Variants in PDZD2 observed in about 807,000 individuals in gnomAD.
PDZD2 encodes PDZ domain containing 2.
A neutral mutation model predicts 220.7 loss-of-function variants in PDZD2; 90 were observed. The ratio of observed to expected loss-of-function variants is 0.41; its 90% confidence interval spans 0.34 to 0.49. PDZD2 has a LOEUF of 0.49. PDZD2 is among the 20% of genes least tolerant of loss of function. The pLI, the probability that PDZD2 is intolerant of heterozygous loss-of-function variation, is 0.28. For synonymous variants in PDZD2, 1,375 were observed against 1,450.5 expected (o/e 0.95, Z 1.18); for missense variants, 3,174 against 3,608.5 (o/e 0.88, Z 3.08).
chr5:31,674,088 A>G lies in PDZD2; in HGVS notation c.-361+34651A>G, dbSNP rs78564626. Among the ~76,000 whole-genome samples, 958 of 152,288 alleles carry G rather than the reference A, an allele frequency of 6.3e-3. 8 individuals carry two copies. Among genetic ancestry groups the G allele is most frequent in the African/African-American group, 0.022 (924 of 41,566 alleles). On this transcript the variant is annotated intron_variant, in intron 1 of 24. Transcript: ENST00000438447. ...GAATCTGCCTGAGCCTTGATATTGG[A>G]CTTCCCAGCCTCCAGAACCATGAGA... is the stretch of plus-strand genomic sequence containing the variant.
At chr5:31,784,850 T>C (rs1338072683) in intron 1 of PDZD2, among the ~76,000 whole-genome samples, 2 of 151,452 alleles carry the variant, frequency 1.3e-5, no homozygotes, top group Admixed American at 6.6e-5. Flanking sequence ...GAGGTTGCAG[T>C]GAGCCGAGAT....
chr5:31,776,684 T>C (rs1435328414), intron 1 of PDZD2, among the ~76,000 whole-genome samples: 2 of 151,402 alleles, frequency 1.3e-5, no homozygotes, highest in African/African-American at 4.9e-5. Flanking sequence ...AGTCTTGCTC[T>C]GTCGCCCAGG....
chr5:31,677,476 C>T lies in PDZD2; in HGVS notation c.-361+38039C>T, dbSNP rs1326349659. On this transcript the variant is annotated intron_variant, in intron 1 of 24. Transcript: ENST00000438447. ...CTAAAAATACAAAAAATTAGCCGGG[C>T]GTGGTGGCGGGCGCCTGTGGTCCCA... Among the ~76,000 whole-genome samples the T allele has an allele frequency of 8.2e-5, 2 of 24,370 alleles. 1 individual carries two copies. Among genetic ancestry groups the T allele is most frequent in the African/African-American group, 1.6e-4 (2 of 12,746 alleles). The allele number at this position is 24,370 out of a possible 152,430, so 16.0% of individuals were successfully genotyped here. A position where few individuals can be genotyped will look rare whatever the true frequency, so the allele number is the denominator to read the frequency against.
chr5:32,110,243 A>G lies in PDZD2; in HGVS notation c.*2108A>G, dbSNP rs922005815. On this transcript the variant is annotated 3_prime_UTR_variant, in exon 25 of 25. Coordinates refer to ENST00000438447, the MANE Select transcript of PDZD2 (RefSeq NM_178140.4). ...GAATTTCTTGTGCAATGTGGAGCAA[A>G]TGGAATGGTCTCCTTCCGCAAGTCT... 1 of 152,686 alleles carries G rather than the reference A, an allele frequency of 6.5e-6. No homozygotes were observed. Among genetic ancestry groups the G allele is most frequent in the Non-Finnish European group, 1.5e-5 (1 of 68,054 alleles). The allele number at this position is 152,686 out of a possible 1,614,324, so 9.5% of individuals were successfully genotyped here.
chr5:31,667,134 G>C (rs1374838017), intron 1 of PDZD2, among the ~76,000 whole-genome samples: 2 of 150,822 alleles, frequency 1.3e-5, no homozygotes, highest in African/African-American at 2.4e-5. Flanking sequence ...TACTCAGGAG[G>C]CTGAGGCAGG....
At chr5:31,775,763 G>A (rs1389368698) in intron 1 of PDZD2, among the ~76,000 whole-genome samples, 1 of 151,656 alleles carries the variant, frequency 6.6e-6, no homozygotes, top group African/African-American at 2.4e-5. Context: ...CTGGTGGACT[G>A]TTAGATCTGT....
At chr5:31,699,861 T>G (rs365286) in intron 1 of PDZD2, among the ~76,000 whole-genome samples, 112,830 of 150,896 alleles carry the variant, frequency 0.75, 43,030 homozygotes, top group East Asian at 0.93. Context: ...AAACTCCTGG[T>G]ATTACAGGCA....
At chr5:31,796,405 T>C (rs1454359989) in intron 1 of PDZD2, among the ~76,000 whole-genome samples, 1 of 152,116 alleles carries the variant, frequency 6.6e-6, no homozygotes, top group Non-Finnish European at 1.5e-5. Context: ...CCGCCACCGA[T>C]CAACTTCTCT....
chr5:31,741,191 G>GTA (rs1554069097), intron 1 of PDZD2, among the ~76,000 whole-genome samples: 1 of 96,604 alleles, frequency 1.0e-5, no homozygotes, highest in African/African-American at 4.4e-5. Flanking sequence ...ACAATAGTGT[G>GTA]TACACACACA....
chr5:31,675,021 G>C (rs1193430033), intron 1 of PDZD2, among the ~76,000 whole-genome samples: 1 of 152,220 alleles, frequency 6.6e-6, no homozygotes, highest in Non-Finnish European at 1.5e-5. Flanking sequence ...GTGCTGTGGA[G>C]TGGATGGGAT....
At chr5:31,737,648 C>T (rs954717756) in intron 1 of PDZD2, among the ~76,000 whole-genome samples, 1 of 152,152 alleles carries the variant, frequency 6.6e-6, no homozygotes, top group Non-Finnish European at 1.5e-5. Context: ...TGTGGCTTAT[C>T]GGAGTGGCTA....
At position 31,706,212 on chromosome 5, in the gene PDZD2, G is replaced by A. The variant is rs531514731; in HGVS notation, c.-361+66775G>A. 5.9e-5 allele frequency among the ~76,000 whole-genome samples: 9 copies of A among 152,316 alleles called. No homozygotes were observed. In the East Asian group the frequency reaches 7.7e-4, roughly 13 times the overall value. ...GAATGAGGTGGCCAAGATGTTGGCT[G>A]TATGGTCCTGTGTACATTGCTAGTG... On this transcript the variant is annotated intron_variant, in intron 1 of 24. Coordinates refer to ENST00000438447, the MANE Select transcript of PDZD2 (RefSeq NM_178140.4).
At chr5:31,833,440 C>T (rs2150272925) in intron 2 of PDZD2, among the ~76,000 whole-genome samples, 1 of 151,408 alleles carries the variant, frequency 6.6e-6, no homozygotes, top group South Asian at 2.1e-4. Context: ...TGCACTGTAG[C>T]CTGGGCAACA....
chr5:32,095,890 G>A (rs937936132), intron 21 of PDZD2, among the ~76,000 whole-genome samples: 5 of 148,222 alleles, frequency 3.4e-5, no homozygotes, highest in African/African-American at 1.3e-4. Context: ...ACTGGTGCCC[G>A]CCACCATGCC....
intron 3 of PDZD2, among the ~76,000 whole-genome samples, chr5:31,984,723 G>A (rs1750577455): frequency 6.6e-6 from 1 of 152,118 alleles, no homozygotes; most frequent in African/African-American, 2.4e-5. Flanking sequence ...AAATTAGCTG[G>A]GGGCCTGAGT....
At chr5:32,052,246 A>G (rs1738632173) in intron 8 of PDZD2, among the ~76,000 whole-genome samples, 1 of 152,176 alleles carries the variant, frequency 6.6e-6, no homozygotes, top group African/African-American at 2.4e-5. Context: ...CCCAGGTTCA[A>G]GCGATTGTCC....
At chr5:31,923,482 G>A in intron 2 of PDZD2, 1 of 971,526 alleles carries the variant, frequency 1.0e-6, no homozygotes, top group Admixed American at 1.7e-5. Context: ...TTTAAGAGGG[G>A]TGCAGATCCT....
intron 1 of PDZD2, among the ~76,000 whole-genome samples, chr5:31,696,601 C>T (rs1028061298): frequency 2.0e-5 from 3 of 152,112 alleles, no homozygotes; most frequent in Non-Finnish European, 4.4e-5. Flanking sequence ...TGTGCCTGGC[C>T]ACCTCTCCTT....
At chr5:31,896,323 C>CGTGTGTGTGTGTGTGTGT (rs35229609) in intron 2 of PDZD2, among the ~76,000 whole-genome samples, 59 of 136,468 alleles carry the variant, frequency 4.3e-4, no homozygotes, top group African/African-American at 1.6e-3. Context: ...TTGATACTCT[C>CGTGTGTGTGTGTGTGTGT]GTGTGTGTGT....
Sources: allele counts gnomAD v4.1 joint callset (sites outside exome capture counted in the v4.1 genomes callset), GRCh38; gene constraint gnomAD v4.1.1; transcripts MANE v1.5; gene names NCBI Gene and HGNC (gene_info 2026-07-23, HGNC 2026-07-21).